The following NR3C2 variants were observed in gnomAD, a reference collection of about 807,000 sequenced individuals.
The protein encoded by NR3C2 is nuclear receptor subfamily 3 group C member 2.
Under a neutral mutation model 86.4 loss-of-function variants are expected in NR3C2, and 15 were observed. The observed-to-expected ratio is 0.17, with a 90% CI of 0.12 to 0.27. The LOEUF (loss-of-function observed/expected upper bound fraction) is 0.27, where lower values mean the gene tolerates loss of function less well. NR3C2 is among the 10% of genes least tolerant of loss of function. The pLI is 1.00. For synonymous variants in NR3C2, 458 were observed against 450.5 expected, an observed-to-expected ratio of 1.02 and a Z score of -0.21; for missense variants, 960 against 1,195.6, an observed-to-expected ratio of 0.80 and a Z score of 2.91.
intron 6 of NR3C2, among the ~76,000 whole-genome samples, chr4:148,127,943 A>G (rs1371159071): frequency 6.6e-6 from 1 of 152,220 alleles, no homozygotes; most frequent in East Asian, 1.9e-4. Context: ...TTAAGTTAAA[A>G]TTATCTAACT....
intron 2 of NR3C2, among the ~76,000 whole-genome samples, chr4:148,414,007 G>T (rs1748864576): frequency 6.6e-6 from 1 of 152,106 alleles, no homozygotes. Context: ...TACAAAATTT[G>T]TCTCTGCAGC....
intron 2 of NR3C2, among the ~76,000 whole-genome samples, chr4:148,331,097 G>C (rs772895683): frequency 1.3e-5 from 2 of 152,062 alleles, no homozygotes; most frequent in Non-Finnish European, 2.9e-5. Flanking sequence ...GACTAATTCA[G>C]TATATAAAGG....
At chr4:148,348,769 G>C (rs2149990126) in intron 2 of NR3C2, among the ~76,000 whole-genome samples, 1 of 152,212 alleles carries the variant, frequency 6.6e-6, no homozygotes, top group Admixed American at 6.5e-5. Flanking sequence ...ACCACTTTCA[G>C]TATGTATGGT....
At chr4:148,278,761 T>C (rs1741087906) in intron 2 of NR3C2, among the ~76,000 whole-genome samples, 1 of 151,984 alleles carries the variant, frequency 6.6e-6, no homozygotes, top group African/African-American at 2.4e-5. Context: ...AACACACATA[T>C]ACCCACATTC....
chr4:148,100,070 T>A (rs1015890763), intron 8 of NR3C2, among the ~76,000 whole-genome samples: 2 of 152,340 alleles, frequency 1.3e-5, no homozygotes, highest in Non-Finnish European at 2.9e-5. Context: ...GCACATGTTC[T>A]ATGGGTTTGT....
At chr4:148,111,699 C>T (rs1328281042) in intron 8 of NR3C2, among the ~76,000 whole-genome samples, 1 of 152,136 alleles carries the variant, frequency 6.6e-6, no homozygotes, top group Non-Finnish European at 1.5e-5. Context: ...TGAATCTCAA[C>T]GTTACTATGC....
intron 4 of NR3C2, among the ~76,000 whole-genome samples, chr4:148,190,965 T>A (rs536384698): frequency 3.3e-5 from 5 of 152,380 alleles, no homozygotes; most frequent in African/African-American, 1.2e-4. Flanking sequence ...TTTAGGCCAC[T>A]AATATTCAAT....
upstream of NR3C2, chr4:148,444,943 T>A: frequency 1.0e-6 from 1 of 984,524 alleles, no homozygotes; most frequent in Non-Finnish European, 1.2e-6. Flanking sequence ...GGGTGGCCGG[T>A]GACAGCTCCG....
intron 2 of NR3C2, among the ~76,000 whole-genome samples, chr4:148,397,887 A>G (rs1353699158): frequency 1.3e-5 from 2 of 152,188 alleles, no homozygotes; most frequent in African/African-American, 2.4e-5. Context: ...AAGACAACAG[A>G]AATTTATTCT....
intron 3 of NR3C2, among the ~76,000 whole-genome samples, chr4:148,257,930 T>G (rs902733621): frequency 5.3e-5 from 8 of 152,210 alleles, no homozygotes; most frequent in Non-Finnish European, 1.2e-4. Flanking sequence ...CGATCAGCTT[T>G]CCAATGAAGG....
At chr4:148,198,049 G>C (rs73855926) in intron 3 of NR3C2, among the ~76,000 whole-genome samples, 6,280 of 151,986 alleles carry the variant, frequency 0.041, 424 homozygotes, top group African/African-American at 0.14. Flanking sequence ...GAATGAAGTA[G>C]CAAGATGCTC....
chr4:148,408,278 T>A (rs139882041), intron 2 of NR3C2, among the ~76,000 whole-genome samples: 57 of 152,230 alleles, frequency 3.7e-4, no homozygotes, highest in African/African-American at 1.3e-3. Context: ...GAGAAAATGA[T>A]CAAAATAATT....
intron 1 of NR3C2, among the ~76,000 whole-genome samples, chr4:148,440,251 TTTAA>T (rs1369156369): frequency 2.0e-5 from 3 of 152,218 alleles, no homozygotes; most frequent in African/African-American, 7.2e-5. Flanking sequence ...TCCCTAGTAT[TTTAA>T]TTAGTCTTTT....
intron 6 of NR3C2, among the ~76,000 whole-genome samples, chr4:148,134,825 T>A (rs1733222454): frequency 6.7e-6 from 1 of 148,162 alleles, no homozygotes; most frequent in African/African-American, 2.5e-5. Context: ...ATTTTTGTAT[T>A]TTTTTTTTTT....
chr4:148,420,114 A>C (rs1311783472), intron 2 of NR3C2, among the ~76,000 whole-genome samples: 1 of 152,194 alleles, frequency 6.6e-6, no homozygotes, highest in Non-Finnish European at 1.5e-5. Flanking sequence ...TGGATGAGTG[A>C]CCCAAGCCAG....
chr4:148,099,971 C>T (rs1398648392), intron 8 of NR3C2, among the ~76,000 whole-genome samples: 1 of 152,156 alleles, frequency 6.6e-6, no homozygotes, highest in African/African-American at 2.4e-5. Context: ...CTGATTTCCT[C>T]CCATAATGAG....
intron 2 of NR3C2, among the ~76,000 whole-genome samples, chr4:148,390,790 T>C (rs963125884): frequency 6.6e-6 from 1 of 152,150 alleles, no homozygotes; most frequent in Admixed American, 6.5e-5. Flanking sequence ...GCCCCAAAAA[T>C]TGTTATAAAA....
intron 2 of NR3C2, among the ~76,000 whole-genome samples, chr4:148,330,474 C>T (rs1036520894): frequency 3.3e-5 from 5 of 152,164 alleles, no homozygotes; most frequent in African/African-American, 1.2e-4. Flanking sequence ...AAACAACCCT[C>T]TTCCTGTGAC....
Position 148,079,623 on chromosome 4 carries a change from A to C in NR3C2, c.*1721T>G, listed in dbSNP as rs1730447699. On this transcript the variant is annotated 3_prime_UTR_variant, in exon 9 of 9. Coordinates refer to ENST00000358102, the MANE Select transcript of NR3C2 (RefSeq NM_000901.5). Reference sequence around the variant, plus strand: ...ATTGTTAGTTTCCCCAAAGATACATATGTTTGTGATTTGGGGCAAGAGAAA... The same window carrying C: ...ATTGTTAGTTTCCCCAAAGATACATCTGTTTGTGATTTGGGGCAAGAGAAA... 6.6e-6 allele frequency: 1 copy of C among 152,626 alleles called. No individual in the cohort carries two copies. Among genetic ancestry groups the C allele is most frequent in the Admixed American group, 6.5e-5 (1 of 15,284 alleles). 9.5% of individuals were successfully genotyped at this position (152,626 alleles called of 1,614,324 possible).
Sources: gnomAD v4.1 joint callset for allele counts (sites outside exome capture counted in the v4.1 genomes callset) on GRCh38, gnomAD v4.1.1 for gene constraint, MANE v1.5 for transcripts, NCBI Gene and HGNC (gene_info 2026-07-23, HGNC 2026-07-21) for gene names.